TAFA1: variants seen among roughly 807,000 people sequenced by gnomAD.
TAFA1 encodes TAFA chemokine like family member 1, also known as chemokine-like protein TAFA-1.
In TAFA1, 4 loss-of-function variants were observed where a neutral mutation model predicts 18.5. The ratio of observed to expected loss-of-function variants is 0.22; its 90% confidence interval spans 0.11 to 0.49. TAFA1 has a LOEUF of 0.49. Ranked by LOEUF, TAFA1 falls within the 20% of genes least tolerant of loss-of-function variation. The pLI, the probability that TAFA1 is intolerant of heterozygous loss-of-function variation, is 0.98. For missense variants in TAFA1, 147 were observed against 169.0 expected (o/e 0.87, Z 0.72); for synonymous variants, 56 against 55.2 (o/e 1.01, Z -0.06).
intron 2 of TAFA1, among the ~76,000 whole-genome samples, chr3:68,061,870 C>T (rs1383806675): frequency 6.6e-6 from 1 of 152,006 alleles, no homozygotes; most frequent in Non-Finnish European, 1.5e-5. Flanking sequence ...AGCATGGTTT[C>T]TCTCTTTTTG....
intron 2 of TAFA1, among the ~76,000 whole-genome samples, chr3:68,348,044 C>T (rs1017350336): frequency 6.6e-6 from 1 of 152,198 alleles, no homozygotes; most frequent in African/African-American, 2.4e-5. Flanking sequence ...GTTGATTCCT[C>T]AGAGCCTTTT....
At chr3:68,173,017 T>C (rs928997125) in intron 2 of TAFA1, among the ~76,000 whole-genome samples, 1 of 152,146 alleles carries the variant, frequency 6.6e-6, no homozygotes, top group Non-Finnish European at 1.5e-5. Flanking sequence ...GTATTATTTT[T>C]AGGGAAAATC....
chr3:68,398,517 CA>C (rs1044403919), intron 2 of TAFA1, among the ~76,000 whole-genome samples: 2 of 152,158 alleles, frequency 1.3e-5, no homozygotes, highest in African/African-American at 4.8e-5. Context: ...AGCATCCCTT[CA>C]AATGTCTTTC....
chr3:68,477,940 A>G (rs1246136883), intron 3 of TAFA1, among the ~76,000 whole-genome samples: 1 of 152,190 alleles, frequency 6.6e-6, no homozygotes, highest in African/African-American at 2.4e-5. Context: ...CATCAGTAAC[A>G]CAGAAATAGT....
intron 2 of TAFA1, among the ~76,000 whole-genome samples, chr3:68,170,863 AAC>A (rs71112619): frequency 1.3e-3 from 185 of 145,890 alleles, no homozygotes; most frequent in Middle Eastern, 3.4e-3. Context: ...CACACACAGA[AAC>A]ACACACACAC....
chr3:68,421,725 A>G (rs1158475356), intron 3 of TAFA1, among the ~76,000 whole-genome samples: 1 of 152,098 alleles, frequency 6.6e-6, no homozygotes, highest in Non-Finnish European at 1.5e-5. Flanking sequence ...AAAATCTTCT[A>G]TATAATGTTT....
chr3:68,501,932 C>A (rs1042264184), intron 3 of TAFA1, among the ~76,000 whole-genome samples: 1 of 152,080 alleles, frequency 6.6e-6, no homozygotes, highest in Non-Finnish European at 1.5e-5. Context: ...GGCCCTCTGG[C>A]AGGAAAATCT....
At chr3:68,299,295 G>T (rs1164646303) in intron 2 of TAFA1, among the ~76,000 whole-genome samples, 1 of 152,200 alleles carries the variant, frequency 6.6e-6, no homozygotes, top group East Asian at 1.9e-4. Flanking sequence ...CTATGCTTTA[G>T]CAAAGAGAAG....
chr3:68,121,051 T>A (rs2065392215), intron 2 of TAFA1, among the ~76,000 whole-genome samples: 1 of 152,222 alleles, frequency 6.6e-6, no homozygotes, highest in Non-Finnish European at 1.5e-5. Flanking sequence ...AGTCGCTTTT[T>A]GTCTCAGCTC....
chr3:68,479,810 T>G (rs1227790693), intron 3 of TAFA1, among the ~76,000 whole-genome samples: 2 of 151,852 alleles, frequency 1.3e-5, no homozygotes, highest in Non-Finnish European at 2.9e-5. Flanking sequence ...TAATGGATGG[T>G]TCATAGGCCA....
intron 2 of TAFA1, among the ~76,000 whole-genome samples, chr3:68,169,919 GT>G (rs1476701631): frequency 1.3e-5 from 2 of 152,128 alleles, no homozygotes; most frequent in Non-Finnish European, 2.9e-5. Context: ...GATATTGGCA[GT>G]TTAGAAAGAC....
At chr3:68,379,914 C>CCACAATG (rs1193412268) in intron 2 of TAFA1, among the ~76,000 whole-genome samples, 5 of 151,990 alleles carry the variant, frequency 3.3e-5, no homozygotes, top group African/African-American at 1.2e-4. Flanking sequence ...TATCCCTTCC[C>CCACAATG]CTTCCCCCCA....
chr3:68,005,830 G>A (rs1188167329), intron 1 of TAFA1, among the ~76,000 whole-genome samples: 1 of 152,158 alleles, frequency 6.6e-6, no homozygotes, highest in East Asian at 1.9e-4. Context: ...TTGAGCCTTT[G>A]TAGTTCCTAA....
At chr3:68,069,592 C>T (rs968636047) in intron 2 of TAFA1, among the ~76,000 whole-genome samples, 6 of 152,134 alleles carry the variant, frequency 3.9e-5, no homozygotes, top group African/African-American at 1.2e-4. Flanking sequence ...CCTTCCCTCA[C>T]AGTCTTAACT....
chr3:68,072,639 G>A (rs955382335), intron 2 of TAFA1, among the ~76,000 whole-genome samples: 7 of 152,144 alleles, frequency 4.6e-5, no homozygotes, highest in Non-Finnish European at 7.3e-5. Context: ...AGAGAGGGAC[G>A]ACGAGCCAGG....
chr3:68,476,532 G>A (rs767503867), intron 3 of TAFA1, among the ~76,000 whole-genome samples: 4 of 152,108 alleles, frequency 2.6e-5, no homozygotes, highest in African/African-American at 4.8e-5. Flanking sequence ...GAAGTGTAGA[G>A]TAATAATGAA....
intron 2 of TAFA1, among the ~76,000 whole-genome samples, chr3:68,410,770 T>C (rs1381120162): frequency 7.1e-6 from 1 of 140,798 alleles, no homozygotes; most frequent in Non-Finnish European, 1.5e-5. Context: ...CTAAATGACT[T>C]AGCTTTGAGA....
chr3:68,205,342 G>A (rs939516534), intron 2 of TAFA1, among the ~76,000 whole-genome samples: 2 of 151,716 alleles, frequency 1.3e-5, no homozygotes, highest in Admixed American at 6.6e-5. Flanking sequence ...CAGTATACAC[G>A]GTGATATTCT....
chr3:68,273,874 G>A (rs573910846), intron 2 of TAFA1, among the ~76,000 whole-genome samples: 2 of 152,246 alleles, frequency 1.3e-5, no homozygotes, highest in African/African-American at 2.4e-5. Flanking sequence ...TCCGTAACAT[G>A]AGCAGGTACA....
Sources: allele counts gnomAD v4.1 joint callset (sites outside exome capture counted in the v4.1 genomes callset), GRCh38; gene constraint gnomAD v4.1.1; transcripts MANE v1.5; gene names NCBI Gene and HGNC (gene_info 2026-07-23, HGNC 2026-07-21).